The following EEF2 variants were observed in gnomAD, a reference collection of about 807,000 sequenced individuals.
EEF2 encodes elongation factor 2.
EEF2 carries 21 observed loss-of-function variants against 85.3 expected under a neutral mutation model. That is an observed-to-expected ratio of 0.25 (90% CI 0.17 to 0.35). The LOEUF (loss-of-function observed/expected upper bound fraction) is 0.35, where lower values mean the gene tolerates loss of function less well. Ranked by LOEUF, EEF2 falls within the 10% of genes least tolerant of loss-of-function variation. The pLI, the probability that EEF2 is intolerant of heterozygous loss-of-function variation, is 1.00. For missense variants in EEF2, 825 were observed against 1,225.3 expected (o/e 0.67, Z 4.88); for synonymous variants, 723 against 508.8 (o/e 1.42, Z -5.67).
At chr19:3,978,225 A>G in intron 11 of EEF2, 53 bp from the exon 12 acceptor site, 1 of 1,396,280 alleles carries the variant, frequency 7.2e-7, no homozygotes. Flanking sequence ...GTGACCTTAC[A>G]CACAGACGCA....
At chr19:3,985,204 ACAGCGCGGCGCACAGACAT>A in intron 1 of EEF2, 155 bp downstream of exon 1, 1 of 659,240 alleles carries the variant, frequency 1.5e-6, no homozygotes, top group Non-Finnish European at 2.2e-6. Flanking sequence ...GGCTCGGTGA[ACAGCGCGGCGCACAGACAT>A]GGCGGCGGCC....
At position 3,982,416 on chromosome 19, in the gene EEF2, A is replaced by T; in HGVS notation, c.621T>A (p.Pro207=). 1 of 1,614,080 alleles carries T rather than the reference A, an allele frequency of 6.2e-7. No individual in the cohort carries two copies. The highest frequency in any genetic ancestry group is 8.5e-7 in the Non-Finnish European group (1 of 1,180,026). The part of the protein sequence containing the change: ...SGPMGNIMID[P]VLGTVGFGSG... ...ACCCAAAGCCCACGGTACCGAGGAC[A>T]GGATCGATCTGGAAGTGTGAGAAAC... The change falls in exon 5 of 15, where the codon CCT becomes CCA. Residue 207 remains proline, a synonymous_variant. Transcript: ENST00000309311.
At chr19:3,976,803 GA>G in intron 14 of EEF2, 56 bp from the exon 15 acceptor site, 1 of 1,461,360 alleles carries the variant, frequency 6.8e-7, no homozygotes, top group East Asian at 2.4e-5. Context: ...AGGGCAGAAG[GA>G]AAGTCCTGTC....
In EEF2 at chr19:3,980,722, G is replaced by A. The variant is rs1397351995; in HGVS notation, c.1151-13C>T. Reference sequence around the variant, plus strand: ...CAGCTTTTAATGCCTGAGGGACAGAGAAAACCCGCAAGCTTTATTCCAGTG... The same window carrying A: ...CAGCTTTTAATGCCTGAGGGACAGAAAAAACCCGCAAGCTTTATTCCAGTG... On this transcript the variant is annotated splice_polypyrimidine_tract_variant and intron_variant, in intron 8 of 14. Transcript: ENST00000309311. 34 of 1,610,810 alleles carry A rather than the reference G, an allele frequency of 2.1e-5. No homozygotes were observed. Among genetic ancestry groups the A allele is most frequent in the Middle Eastern group, 1.6e-4 (1 of 6,066 alleles).
intron 2 of EEF2, chr19:3,983,901 G>A (rs563342595): frequency 2.0e-5 from 11 of 560,676 alleles, no homozygotes; most frequent in Middle Eastern, 9.6e-4. Flanking sequence ...CCCCAGGGAG[G>A]GAGAACCACG....
At chr19:3,981,267 C>A in intron 7 of EEF2, 72 bp downstream of exon 7, 2 of 1,461,018 alleles carry the variant, frequency 1.4e-6, no homozygotes, top group Non-Finnish European at 1.9e-6. Context: ...AGCCCCCAGG[C>A]CTGGGCTGTC....
rs1304940540 is a variant in EEF2, at chr19:3,981,466, C to G, written c.898-14G>C. ...CGCATCAAACACCTACATTCCCCACCAAGAAACAAGAAAGCCCATTTGGGA... is the reference window on the plus strand; with the variant it reads ...CGCATCAAACACCTACATTCCCCACGAAGAAACAAGAAAGCCCATTTGGGA... On this transcript the variant is annotated splice_polypyrimidine_tract_variant and intron_variant, in intron 6 of 14. Transcript: ENST00000309311. 1.2e-6 allele frequency: 2 copies of G among 1,608,632 alleles called. No individual in the cohort carries two copies. The highest frequency in any genetic ancestry group is 1.1e-5 in the South Asian group (1 of 90,982).
chr19:3,978,727 T>C (rs924194235), intron 11 of EEF2, among the ~76,000 whole-genome samples: 4 of 136,814 alleles, frequency 2.9e-5, no homozygotes, highest in Non-Finnish European at 4.5e-5. Flanking sequence ...GGCGTGAACC[T>C]GGGAAGCAGA....
At chr19:3,983,833 T>A (rs1400180156) in intron 2 of EEF2, 3 of 448,882 alleles carry the variant, frequency 6.7e-6, no homozygotes, top group Non-Finnish European at 1.2e-5. Flanking sequence ...TAGAACACCC[T>A]CCCCTCCCAG....
At chr19:3,979,467 G>T in intron 10 of EEF2, 31 bp from the exon 11 acceptor site, 2 of 1,592,900 alleles carry the variant, frequency 1.3e-6, no homozygotes, top group East Asian at 2.2e-5. Flanking sequence ...CACCAAAGGG[G>T]TAGGCGGCTC....
chr19:3,980,143 C>A (rs1323470997), intron 9 of EEF2, 77 bp from the exon 10 acceptor site: 7 of 1,538,794 alleles, frequency 4.5e-6, no homozygotes, highest in Non-Finnish European at 6.1e-6. Flanking sequence ...AGGTCCCTCC[C>A]GGAGTTGGTG....
At position 3,977,575 on chromosome 19, in the gene EEF2, G is replaced by A. The variant is rs199566207; in HGVS notation, c.2103C>T (p.Arg701=). 299 of 1,563,142 alleles carry A rather than the reference G, an allele frequency of 1.9e-4. No individual in the cohort carries two copies. The highest frequency in any genetic ancestry group is 2.5e-4 in the Non-Finnish European group (289 of 1,160,862). ...ALCEENMRGV[R]FDVHDVTLHA... ...GCAGGGTGACGTCGTGGACGTCGAA[G>A]CGCACACCCCGCATGTTCTCCTCAC... is the stretch of plus-strand genomic sequence containing the variant. The change falls in exon 13 of 15, where the codon CGC becomes CGT. Residue 701 remains arginine (R), a synonymous_variant. Coordinates refer to ENST00000309311, the MANE Select transcript of EEF2 (RefSeq NM_001961.4). The surrounding 1 kb of genome is among the most constrained non-coding windows in gnomAD (Gnocchi z 5.4).
chr19:3,976,643 GGCT>G lies in EEF2; in HGVS notation c.2485_2487del (p.Ser829del). 3 of 1,609,994 alleles carry G rather than the reference GGCT, an allele frequency of 1.9e-6. No homozygotes were observed. The highest frequency in any genetic ancestry group is 2.5e-6 in the Non-Finnish European group (3 of 1,178,708). ...GTCTCCGCCACCACCTGGCTGGGGC[GGCT>G]GCTGTTGTCGAAGGGGTCTCCGGGC... On this transcript the variant is annotated inframe_deletion, in exon 15 of 15. Coordinates refer to ENST00000309311, the MANE Select transcript of EEF2 (RefSeq NM_001961.4).
At position 3,985,401 on chromosome 19, in the gene EEF2, T is replaced by C. The variant is rs201347619; in HGVS notation, c.-21A>G. The C allele has an allele frequency of 1.3e-6, 2 of 1,501,928 alleles. No individual in the cohort carries two copies. Among genetic ancestry groups the C allele is most frequent in the Non-Finnish European group, 1.8e-6 (2 of 1,121,304 alleles). The allele number at this position is 1,501,928 out of a possible 1,614,324, so 93.0% of individuals were successfully genotyped here. On this transcript the variant is annotated 5_prime_UTR_variant, in exon 1 of 15. Transcript: ENST00000309311. ...ACCATGGTGGCGGATGGCGGTGGAT[T>C]CTCCCAGGTAGAACCGAAAGAAGCG... is the stretch of plus-strand genomic sequence containing the variant.
chr19:3,985,059 C>T, intron 1 of EEF2: 1 of 361,982 alleles, frequency 2.8e-6, no homozygotes, highest in Non-Finnish European at 4.9e-6. Context: ...AGGCGCCTCC[C>T]TGTCTCCCCG....
At chr19:3,982,499 G>A (rs770190114) in intron 4 of EEF2, 75 bp from the exon 5 acceptor site, 2 of 1,572,984 alleles carry the variant, frequency 1.3e-6, no homozygotes, top group Admixed American at 1.7e-5. Context: ...GGGCGCCTTG[G>A]GCATGGGCCT....
Position 3,981,434 on chromosome 19 carries a change from T to A in EEF2, c.916A>T (p.Asn306Tyr). ...PIFKVFDAIM[N>Y]FKKEETAKLI... The stretch of plus-strand genomic sequence containing the variant: ...TTTGCTGTCTCCTCTTTCTTGAAAT[T>A]CATGATCGCATCAAACACCTACATT... Residue 306 changes from asparagine (N) to tyrosine (Y), a missense_variant, in exon 7 of 15, where the codon AAT (asparagine) becomes TAT (tyrosine). Physicochemically the swap from Asn to Tyr is moderately radical, Grantham distance 143. Coordinates refer to ENST00000309311, the MANE Select transcript of EEF2 (RefSeq NM_001961.4). 6.2e-7 allele frequency: 1 copy of A among 1,614,124 alleles called. No homozygotes were observed. The highest frequency in any genetic ancestry group is 8.5e-7 in the Non-Finnish European group (1 of 1,180,018).
intron 11 of EEF2, 26 bp downstream of exon 11, chr19:3,979,301 TGG>T: frequency 6.3e-7 from 1 of 1,584,382 alleles, no homozygotes; most frequent in Non-Finnish European, 8.7e-7. Flanking sequence ...GGGTGGGGCG[TGG>T]GGAAGGCTGG....
Position 3,982,822 on chromosome 19 carries a change from G to T in EEF2, c.597C>A (p.Pro199=). ...AGGGCCGTACCATGATGTTGCCCATGGGGCCGCTCTCGCCCTCGCCGTAGG... is the reference window on the plus strand; with the variant it reads ...AGGGCCGTACCATGATGTTGCCCATTGGGCCGCTCTCGCCCTCGCCGTAGG... The part of the protein sequence containing the change: ...ISTYGEGESG[P]MGNIMIDPVL... Residue 199 remains proline (P), a synonymous_variant, in exon 4 of 15, where the codon CCC becomes CCA. Coordinates refer to ENST00000309311, the MANE Select transcript of EEF2 (RefSeq NM_001961.4). The T allele has an allele frequency of 1.9e-6, 3 of 1,611,448 alleles. No homozygotes were observed. Among genetic ancestry groups the T allele is most frequent in the South Asian group, 1.1e-5 (1 of 90,692 alleles).
Sources: gnomAD v4.1 joint callset for allele counts (sites outside exome capture counted in the v4.1 genomes callset) on GRCh38, gnomAD v4.1.1 for gene constraint, Gnocchi (gnomAD v3.1) non-coding constraint, MANE v1.5 for transcripts, NCBI Gene and HGNC (gene_info 2026-07-23, HGNC 2026-07-21) for gene names.